The following FANCC variants were observed in gnomAD, a reference collection of about 807,000 sequenced individuals.
The protein encoded by FANCC is FA complementation group C, also known as Fanconi anemia group C protein.
Under a neutral mutation model 71.3 loss-of-function variants are expected in FANCC, and 55 were observed. That is an observed-to-expected ratio of 0.77 (90% CI 0.62 to 0.97). The LOEUF (loss-of-function observed/expected upper bound fraction) is 0.97, where lower values mean the gene tolerates loss of function less well. FANCC is among the 50% of genes least tolerant of loss of function. FANCC has a pLI of 0.00. For synonymous variants in FANCC, 275 were observed against 244.9 expected, an observed-to-expected ratio of 1.12 and a Z score of -1.15; for missense variants, 678 against 670.9, an observed-to-expected ratio of 1.01 and a Z score of -0.12.
At chr9:95,293,502 T>C in intron 1 of FANCC, 1 of 1,587,844 alleles carries the variant, frequency 6.3e-7, no homozygotes, top group Non-Finnish European at 8.6e-7. Flanking sequence ...TCAAGTGAAC[T>C]TGGGTAAAAG....
chr9:95,132,451 C>G (rs960421009), intron 8 of FANCC, among the ~76,000 whole-genome samples: 4 of 152,204 alleles, frequency 2.6e-5, no homozygotes, highest in African/African-American at 9.6e-5. Flanking sequence ...AGGTCTGAAG[C>G]TATGGATTAT....
intron 1 of FANCC, among the ~76,000 whole-genome samples, chr9:95,307,815 G>A (rs149853878): frequency 6.6e-6 from 1 of 152,290 alleles, no homozygotes; most frequent in East Asian, 1.9e-4. Flanking sequence ...ACTTGCTGTT[G>A]CCCAACTGCC....
At chr9:95,142,474 G>A (rs1250810805) in intron 7 of FANCC, 1 of 152,170 alleles carries the variant, frequency 6.6e-6, no homozygotes, top group African/African-American at 2.4e-5. Context: ...CTAATCCCCA[G>A]GCCCAACCCC....
intron 4 of FANCC, among the ~76,000 whole-genome samples, chr9:95,189,191 GT>G (rs369728744): frequency 0.022 from 3,242 of 148,990 alleles, 58 homozygotes; most frequent in African/African-American, 0.042. Flanking sequence ...TGCCTTCAAT[GT>G]TTTTTTTTTC....
At chr9:95,222,655 T>C (rs771329975) in intron 4 of FANCC, among the ~76,000 whole-genome samples, 75 of 152,302 alleles carry the variant, frequency 4.9e-4, no homozygotes, top group Non-Finnish European at 9.4e-4. Context: ...CTCAATAAAG[T>C]TGATTTTTAA....
At chr9:95,107,329 G>C in intron 13 of FANCC, 60 bp from the exon 14 acceptor site, 1 of 1,545,040 alleles carries the variant, frequency 6.5e-7, no homozygotes, top group Non-Finnish European at 8.8e-7. Flanking sequence ...CATACTTCTA[G>C]GATTTATTTA....
At chr9:95,189,576 T>G (rs372666221) in intron 4 of FANCC, among the ~76,000 whole-genome samples, 2 of 152,204 alleles carry the variant, frequency 1.3e-5, no homozygotes, top group East Asian at 3.9e-4. Context: ...CCAAAAGGCT[T>G]TAGAAAATAA....
At chr9:95,307,790 T>C (rs1003101167) in intron 1 of FANCC, among the ~76,000 whole-genome samples, 1 of 152,204 alleles carries the variant, frequency 6.6e-6, no homozygotes, top group African/African-American at 2.4e-5. Flanking sequence ...CAGTTGCTGC[T>C]GGAAGGGAAC....
At chr9:95,200,420 TAA>T (rs1469378459) in intron 4 of FANCC, among the ~76,000 whole-genome samples, 1 of 152,210 alleles carries the variant, frequency 6.6e-6, no homozygotes, top group Non-Finnish European at 1.5e-5. Flanking sequence ...AAGCAGTCAA[TAA>T]GTGTGTGTTA....
At chr9:95,118,133 C>A (rs1443169355) in intron 10 of FANCC, among the ~76,000 whole-genome samples, 1 of 152,200 alleles carries the variant, frequency 6.6e-6, no homozygotes, top group East Asian at 1.9e-4. Context: ...ATTCTCCTGC[C>A]TCAGCCTCCT....
chr9:95,218,200 C>CA (rs1329455878), intron 4 of FANCC, among the ~76,000 whole-genome samples: 1 of 152,208 alleles, frequency 6.6e-6, no homozygotes, highest in Non-Finnish European at 1.5e-5. Context: ...TGTGGTGGCC[C>CA]ATGCCTGTTA....
In FANCC at chr9:95,215,820, T is replaced by A. The variant is rs140462202; in HGVS notation, c.345+24829A>T. Among the ~76,000 whole-genome samples, 45 of 152,314 alleles carry A rather than the reference T, an allele frequency of 3.0e-4. 1 individual carries two copies. In the East Asian group the frequency reaches 8.1e-3, roughly 27 times the overall value. ...ACTAGGGAGTAAGCACGGAGGTGAC[T>A]CCAGCCCCAGATGCTGAATCCTGCC... On this transcript the variant is annotated intron_variant, in intron 4 of 14. Coordinates refer to ENST00000289081, the MANE Select transcript of FANCC (RefSeq NM_000136.3).
intron 4 of FANCC, among the ~76,000 whole-genome samples, chr9:95,230,734 C>T (rs1357189298): frequency 1.3e-5 from 2 of 152,168 alleles, no homozygotes; most frequent in African/African-American, 4.8e-5. Context: ...AAAGCTTCCA[C>T]AGTGTGGAAG....
intron 1 of FANCC, among the ~76,000 whole-genome samples, chr9:95,272,401 G>A (rs1260782931): frequency 1.3e-5 from 2 of 151,962 alleles, no homozygotes; most frequent in African/African-American, 4.8e-5. Flanking sequence ...GGTTGGGATG[G>A]AACACATCAT....
chr9:95,311,019 C>T (rs956383691), intron 1 of FANCC, among the ~76,000 whole-genome samples: 3 of 152,016 alleles, frequency 2.0e-5, no homozygotes, highest in Non-Finnish European at 4.4e-5. Context: ...CCAAGGCAGG[C>T]GGATCACGAG....
chr9:95,118,398 C>A (rs185576492), intron 10 of FANCC, among the ~76,000 whole-genome samples: 18 of 152,352 alleles, frequency 1.2e-4, no homozygotes, highest in Non-Finnish European at 1.5e-5. Flanking sequence ...GCTATCTATG[C>A]CCCCAAGGGG....
intron 4 of FANCC, among the ~76,000 whole-genome samples, chr9:95,177,452 T>C (rs1274926957): frequency 6.6e-6 from 1 of 152,210 alleles, no homozygotes; most frequent in Non-Finnish European, 1.5e-5. Flanking sequence ...ACTGTACACT[T>C]AGGCTACACT....
chr9:95,144,195 A>G (rs1333585664), intron 7 of FANCC, among the ~76,000 whole-genome samples: 1 of 152,230 alleles, frequency 6.6e-6, no homozygotes, highest in Non-Finnish European at 1.5e-5. Flanking sequence ...CGCTGTGTCA[A>G]CATGTGGCTG....
At chr9:95,160,496 G>A (rs1830680221) in intron 6 of FANCC, among the ~76,000 whole-genome samples, 1 of 152,166 alleles carries the variant, frequency 6.6e-6, no homozygotes, top group Admixed American at 6.5e-5. Context: ...GCTTAGGATT[G>A]TCTTGGCAAT....
Sources: gnomAD v4.1 joint callset for allele counts (sites outside exome capture counted in the v4.1 genomes callset) on GRCh38, gnomAD v4.1.1 for gene constraint, MANE v1.5 for transcripts, NCBI Gene and HGNC (gene_info 2026-07-23, HGNC 2026-07-21) for gene names.